The following MTARC2 variants were observed in gnomAD, a reference collection of about 807,000 sequenced individuals.
MTARC2 encodes mitochondrial amidoxime reducing component 2, also known as MOCO sulphurase C-terminal domain containing 2.
In MTARC2, 27 loss-of-function variants were observed where a neutral mutation model predicts 35.6. The observed-to-expected ratio is 0.76, with a 90% confidence interval of 0.56 to 1.04. The LOEUF is 1.04. Among genes scored for constraint, MTARC2 ranks in the 50% least tolerant of loss-of-function variants. The pLI, the probability that MTARC2 is intolerant of heterozygous loss-of-function variation, is 0.00. For synonymous variants in MTARC2, 158 were observed against 167.1 expected (o/e 0.95, Z 0.42); for missense variants, 412 against 432.5 (o/e 0.95, Z 0.42).
intron 4 of MTARC2, among the ~76,000 whole-genome samples, chr1:220,778,247 C>CA (rs60336134): frequency 0.63 from 60,979 of 96,720 alleles, 20,850 homozygotes; most frequent in Non-Finnish European, 0.76. Flanking sequence ...GACTCTGTCT[C>CA]AAAAAAAAAA....
At chr1:220,765,163 A>G (rs1671546961) in intron 4 of MTARC2, among the ~76,000 whole-genome samples, 1 of 152,090 alleles carries the variant, frequency 6.6e-6, no homozygotes, top group Admixed American at 6.5e-5. Flanking sequence ...TTCACCCTAT[A>G]CTTGTGTGGA....
At chr1:220,769,380 G>A (rs1287392142) in intron 4 of MTARC2, among the ~76,000 whole-genome samples, 1 of 152,218 alleles carries the variant, frequency 6.6e-6, no homozygotes, top group Non-Finnish European at 1.5e-5. Context: ...CCTGCAGTGA[G>A]ATCTGCCTGG....
At chr1:220,755,687 C>T (rs1671258972) in intron 2 of MTARC2, among the ~76,000 whole-genome samples, 1 of 152,114 alleles carries the variant, frequency 6.6e-6, no homozygotes, top group South Asian at 2.1e-4. Flanking sequence ...AGTGCAGACT[C>T]TGGATGGGTT....
At chr1:220,770,064 G>A (rs981595129) in intron 4 of MTARC2, among the ~76,000 whole-genome samples, 1 of 151,704 alleles carries the variant, frequency 6.6e-6, no homozygotes, top group East Asian at 1.9e-4. Flanking sequence ...CCGAGATCGC[G>A]CCACTACACT....
At chr1:220,753,183 G>A (rs1404541143) in intron 1 of MTARC2, among the ~76,000 whole-genome samples, 2 of 151,754 alleles carry the variant, frequency 1.3e-5, no homozygotes, top group Admixed American at 6.6e-5. Flanking sequence ...AGCCGAGATC[G>A]TGCCACTGCA....
chr1:220,780,223 C>A lies in MTARC2; in HGVS notation c.868C>A (p.Leu290Met). ...TGGAGTCATAGACAGGAAACAGCCACTGGACACCCTGAAGAGGTAGAATAC... is the reference window on the plus strand; with the variant it reads ...TGGAGTCATAGACAGGAAACAGCCAATGGACACCCTGAAGAGGTAGAATAC... ...DTGVIDRKQP[L>M]DTLKSYRLCD... Residue 290 changes from leucine to methionine, a missense_variant, in exon 6 of 8, where the codon CTG (leucine) becomes ATG (methionine). Leu to Met is a conservative substitution (Grantham distance 15, BLOSUM62 2). Transcript: ENST00000366913. The A allele has an allele frequency of 6.2e-7, 1 of 1,612,346 alleles. No homozygotes were observed. Among genetic ancestry groups the A allele is most frequent in the Non-Finnish European group, 8.5e-7 (1 of 1,179,490 alleles).
chr1:220,763,417 T>G (rs182970588), intron 4 of MTARC2, among the ~76,000 whole-genome samples: 91 of 152,212 alleles, frequency 6.0e-4, no homozygotes, highest in African/African-American at 2.2e-3. Flanking sequence ...CTCTCAAAGA[T>G]TTGAGACTTT....
chr1:220,763,142 G>A (rs1168333838), intron 4 of MTARC2, 92 bp downstream of exon 4: 5 of 1,556,656 alleles, frequency 3.2e-6, no homozygotes, highest in South Asian at 2.3e-5. Context: ...ACTCAGATCC[G>A]CCAGGGTCCA....
At chr1:220,776,879 G>C (rs1671932056) in intron 4 of MTARC2, among the ~76,000 whole-genome samples, 1 of 152,180 alleles carries the variant, frequency 6.6e-6, no homozygotes, top group Non-Finnish European at 1.5e-5. Flanking sequence ...CCATTCCTGG[G>C]TCCGCAGCGC....
chr1:220,748,817 C>G lies in MTARC2; in HGVS notation c.272+14C>G. ...CCTGCGGGACAGGTACAGCACAGCG[C>G]GGGCGCGGGGCAGCGCGGAGCCTGC... On this transcript the variant is annotated intron_variant, in intron 1 of 7. Transcript: ENST00000366913. 2 of 1,568,586 alleles carry G rather than the reference C, an allele frequency of 1.3e-6. No individual in the cohort carries two copies. The highest frequency in any genetic ancestry group is 1.2e-5 in the South Asian group (1 of 85,756).
At chr1:220,752,223 C>A (rs370332408) in intron 1 of MTARC2, among the ~76,000 whole-genome samples, 37 of 152,254 alleles carry the variant, frequency 2.4e-4, no homozygotes, top group Middle Eastern at 6.8e-3. Flanking sequence ...GAAGATTCAG[C>A]CCATGGAGAA....
At chr1:220,776,856 G>A (rs1671931157) in intron 4 of MTARC2, among the ~76,000 whole-genome samples, 1 of 152,316 alleles carries the variant, frequency 6.6e-6, no homozygotes, top group Non-Finnish European at 1.5e-5. Flanking sequence ...GCACAGCGCG[G>A]CTGGGTCGGC....
chr1:220,767,023 G>A (rs1671598451), intron 4 of MTARC2, among the ~76,000 whole-genome samples: 1 of 151,456 alleles, frequency 6.6e-6, no homozygotes, highest in Non-Finnish European at 1.5e-5. Context: ...AAAATAAACT[G>A]TTAAATGAAT....
At position 220,748,773 on chromosome 1, in the gene MTARC2, T is replaced by C. The variant is rs765545043; in HGVS notation, c.242T>C (p.Met81Thr). 20 of 1,597,918 alleles carry C rather than the reference T, an allele frequency of 1.3e-5. No individual in the cohort carries two copies. Among genetic ancestry groups the C allele is most frequent in the East Asian group, 2.3e-5 (1 of 43,832 alleles). ...GTGAGCGAGGCTGAGTGCACGGCCA[T>C]GGGGCTGCGCAGCGGCAACCTGCGG... ...VPVSEAECTA[M>T]GLRSGNLRDR... The change falls in exon 1 of 8, where the codon ATG becomes ACG. Residue 81 changes from methionine to threonine, a missense_variant. By Grantham distance (81) the Met-to-Thr change is moderately conservative. Coordinates refer to ENST00000366913, the MANE Select transcript of MTARC2 (RefSeq NM_017898.5).
intron 4 of MTARC2, among the ~76,000 whole-genome samples, chr1:220,778,425 G>A: frequency 6.6e-6 from 1 of 152,014 alleles, no homozygotes; most frequent in Non-Finnish European, 1.5e-5. Context: ...GAGAGCGAAG[G>A]GGAAGTGCCA....
At chr1:220,761,294 C>T (rs1164060441) in intron 2 of MTARC2, among the ~76,000 whole-genome samples, 7 of 152,224 alleles carry the variant, frequency 4.6e-5, no homozygotes, top group Non-Finnish European at 1.5e-5. Flanking sequence ...GTGCATCTGC[C>T]ACAGGGCAGC....
intron 4 of MTARC2, among the ~76,000 whole-genome samples, chr1:220,766,315 C>A (rs1408999247): frequency 6.6e-6 from 1 of 152,334 alleles, no homozygotes; most frequent in African/African-American, 2.4e-5. Context: ...GCCTGAGGCT[C>A]AAGCCTCAAT....
chr1:220,769,552 A>T (rs950166055), intron 4 of MTARC2, among the ~76,000 whole-genome samples: 1 of 152,148 alleles, frequency 6.6e-6, no homozygotes, highest in Non-Finnish European at 1.5e-5. Flanking sequence ...AGGGTTTTCC[A>T]GGGGAGCAAA....
At chr1:220,750,146 T>C (rs1228391406) in intron 1 of MTARC2, among the ~76,000 whole-genome samples, 1 of 152,180 alleles carries the variant, frequency 6.6e-6, no homozygotes, top group Non-Finnish European at 1.5e-5. Context: ...ATTTTGATGC[T>C]ATAATTAAAG....
Sources: allele counts gnomAD v4.1 joint callset (sites outside exome capture counted in the v4.1 genomes callset), GRCh38; gene constraint gnomAD v4.1.1; transcripts MANE v1.5; gene names NCBI Gene and HGNC (gene_info 2026-07-23, HGNC 2026-07-21).